THAP6: variants seen among roughly 807,000 people sequenced by gnomAD.
The protein encoded by THAP6 is THAP domain containing 6, also known as THAP domain-containing protein 6.
In THAP6, 13 loss-of-function variants were observed where a neutral mutation model predicts 20.0. The ratio of observed to expected loss-of-function variants is 0.65; its 90% CI spans 0.42 to 1.03. The LOEUF (loss-of-function observed/expected upper bound fraction) is 1.03, where lower values mean the gene tolerates loss of function less well. THAP6 is among the 50% of genes least tolerant of loss of function. The pLI, the probability that THAP6 is intolerant of heterozygous loss-of-function variation, is 0.00. For missense variants in THAP6, 262 were observed against 261.6 expected (o/e 1.00, Z -0.01); for synonymous variants, 93 against 92.2 (o/e 1.01, Z -0.05).
At chr4:75,522,774 A>AT (rs896900893) in intron 4 of THAP6, among the ~76,000 whole-genome samples, 26 of 151,228 alleles carry the variant, frequency 1.7e-4, no homozygotes, top group African/African-American at 6.3e-4. Context: ...TCTAAATCTC[A>AT]TTTTTTTTAA....
chr4:75,533,840 C>T (rs1726768489), downstream of THAP6, among the ~76,000 whole-genome samples: 1 of 151,964 alleles, frequency 6.6e-6, no homozygotes, highest in Non-Finnish European at 1.5e-5. Flanking sequence ...TATACATGTG[C>T]CATGTTGGTG....
rs139083562 is a variant in THAP6 at position 75,521,801 on chromosome 4, C to G, written c.354C>G (p.Tyr118Ter). The change falls in exon 4 of 5, where the codon TAC becomes TAG. Residue 118 changes from tyrosine (Y) to a stop codon, truncating the protein, a stop_gained. Transcript: ENST00000311638. LOFTEE classifies it high-confidence loss of function. ...TCAAAACCGTTCCAGCCACTAACTA[C>G]AATCACCATCTTGTTGGTGCTTCCT... ...FTLKTVPATN[Y>*]NHHLVGASSC... 3 of 1,613,324 alleles carry G rather than the reference C, an allele frequency of 1.9e-6. No individual in the cohort carries two copies. In the African/African-American group the frequency reaches 4.0e-5, roughly 22 times the overall value.
chr4:75,535,973 C>G (rs1726841171), intron 2 of THAP6, among the ~76,000 whole-genome samples: 1 of 152,200 alleles, frequency 6.6e-6, no homozygotes, highest in Admixed American at 6.5e-5. Flanking sequence ...CAGCCCCTTT[C>G]CCACTCAATC....
intron 3 of THAP6, among the ~76,000 whole-genome samples, chr4:75,518,416 A>G (rs1442601950): frequency 6.6e-6 from 1 of 152,348 alleles, no homozygotes; most frequent in East Asian, 1.9e-4. Context: ...ATAGAATTAT[A>G]CTGTATACCT....
At chr4:75,515,246 ATATGTTTCTCCT>A (rs2148797068) in intron 1 of THAP6, among the ~76,000 whole-genome samples, 175 bp from the exon 2 acceptor site, 1 of 152,332 alleles carries the variant, frequency 6.6e-6, no homozygotes, top group African/African-American at 2.4e-5. Flanking sequence ...ACACAGCTAA[ATATGTTTCTCCT>A]TATTAAAGAG....
chr4:75,538,024 A>G (rs1447905389), intron 2 of THAP6, among the ~76,000 whole-genome samples: 1 of 152,272 alleles, frequency 6.6e-6, no homozygotes, highest in Admixed American at 6.5e-5. Flanking sequence ...GGAAACTAAT[A>G]CTAGGCTAAG....
Position 75,529,977 on chromosome 4 carries a change from G to GA in THAP6, c.*2764dup, listed in dbSNP as rs1405607055. ...AATTATTACAGAAATAATTGAGAGAGAGAAAATCTATTATAATTTATTTGA... is the reference window on the plus strand; with the variant it reads ...AATTATTACAGAAATAATTGAGAGAGAAGAAAATCTATTATAATTTATTTGA... On this transcript the variant is annotated 3_prime_UTR_variant, in exon 5 of 5. Transcript: ENST00000311638. The GA allele has an allele frequency of 1.1e-6, 1 of 887,076 alleles. No homozygotes were observed. The highest frequency in any genetic ancestry group is 1.9e-5 in the African/African-American group (1 of 53,598). 55.0% of individuals were successfully genotyped at this position (887,076 alleles called of 1,614,324 possible).
chr4:75,538,461 A>C (rs953876397), intron 2 of THAP6, among the ~76,000 whole-genome samples: 2 of 152,024 alleles, frequency 1.3e-5, no homozygotes, highest in Non-Finnish European at 2.9e-5. Flanking sequence ...GAGAAGATAA[A>C]TTCTACTTGT....
chr4:75,527,834 G>A lies in THAP6; in HGVS notation c.*620G>A. The A allele has an allele frequency of 1.0e-6, 1 of 985,722 alleles. No homozygotes were observed. 61.1% of individuals were successfully genotyped at this position (985,722 alleles called of 1,614,324 possible). ...ACCCCTCATGAAGTCTCAGTTTTCAGTACAGTACATCATTCCTCCTCACTA... is the reference window on the plus strand; with the variant it reads ...ACCCCTCATGAAGTCTCAGTTTTCAATACAGTACATCATTCCTCCTCACTA... On this transcript the variant is annotated 3_prime_UTR_variant, in exon 5 of 5. Coordinates refer to ENST00000311638, the MANE Select transcript of THAP6 (RefSeq NM_144721.6).
At chr4:75,544,065 C>T (rs1205660761) in intron 3 of THAP6, among the ~76,000 whole-genome samples, 1 of 152,068 alleles carries the variant, frequency 6.6e-6, no homozygotes, top group East Asian at 1.9e-4. Flanking sequence ...ATAAACCAAA[C>T]ATTTATATAG....
downstream of THAP6, among the ~76,000 whole-genome samples, chr4:75,534,881 A>G (rs977548017): frequency 1.3e-5 from 2 of 152,230 alleles, no homozygotes; most frequent in Non-Finnish European, 2.9e-5. Context: ...CACCAGTTAG[A>G]AGGGCGATCA....
At chr4:75,540,729 GTA>G (rs1261847438) in intron 2 of THAP6, among the ~76,000 whole-genome samples, 2 of 152,118 alleles carry the variant, frequency 1.3e-5, no homozygotes, top group African/African-American at 2.4e-5. Flanking sequence ...CCAGTAAAAT[GTA>G]CTCAACATAA....
chr4:75,543,827 A>T (rs1206847820), intron 3 of THAP6, among the ~76,000 whole-genome samples: 1 of 152,192 alleles, frequency 6.6e-6, no homozygotes, highest in Non-Finnish European at 1.5e-5. Flanking sequence ...TTTGTTAGTA[A>T]ATCGCTTCGT....
chr4:75,538,008 G>T (rs571727260), intron 2 of THAP6, among the ~76,000 whole-genome samples: 1 of 152,292 alleles, frequency 6.6e-6, no homozygotes, highest in South Asian at 2.1e-4. Context: ...TGTTACAATG[G>T]CAATAGGAAA....
chr4:75,536,593 C>T (rs1185319005), intron 2 of THAP6, among the ~76,000 whole-genome samples: 1 of 152,182 alleles, frequency 6.6e-6, no homozygotes, highest in Non-Finnish European at 1.5e-5. Flanking sequence ...GGCATGATCA[C>T]GTCTCACTGC....
chr4:75,519,553 C>T (rs935414732), intron 3 of THAP6, among the ~76,000 whole-genome samples: 13 of 148,246 alleles, frequency 8.8e-5, no homozygotes, highest in African/African-American at 3.2e-4. Flanking sequence ...TGTTCATTTC[C>T]CACCTGTGAG....
chr4:75,521,588 A>T, intron 3 of THAP6, 148 bp from the exon 4 acceptor site: 1 of 813,890 alleles, frequency 1.2e-6, no homozygotes, highest in Non-Finnish European at 1.8e-6. Context: ...TTTTAAAATT[A>T]TCTGGGTGGA....
intron 4 of THAP6, chr4:75,522,534 AGTCT>A (rs1481238400): frequency 6.6e-6 from 1 of 152,114 alleles, no homozygotes; most frequent in Admixed American, 6.5e-5. Context: ...ACTAGATCTT[AGTCT>A]GTCTAACTAT....
chr4:75,534,127 A>G (rs1394653982), downstream of THAP6, among the ~76,000 whole-genome samples: 1 of 152,148 alleles, frequency 6.6e-6, no homozygotes, highest in Non-Finnish European at 1.5e-5. Flanking sequence ...TCTATGGTGT[A>G]TATGTGCCAC....
Sources: allele counts gnomAD v4.1 joint callset (sites outside exome capture counted in the v4.1 genomes callset), GRCh38; gene constraint gnomAD v4.1.1; transcripts MANE v1.5; gene names NCBI Gene and HGNC (gene_info 2026-07-23, HGNC 2026-07-21).